Variants in KIF2C observed in about 807,000 individuals in gnomAD.
The protein encoded by KIF2C is kinesin family member 2C.
A neutral mutation model predicts 97.4 loss-of-function variants in KIF2C; 34 were observed. The ratio of observed to expected loss-of-function variants is 0.35; its 90% CI spans 0.27 to 0.46. The LOEUF is 0.46. KIF2C is among the 20% of genes least tolerant of loss of function. The probability of loss-of-function intolerance (pLI) is 1.00; values close to 1 mark genes in which losing one functional copy is unlikely to be tolerated. For synonymous variants in KIF2C, 313 were observed against 318.2 expected, an observed-to-expected ratio of 0.98 and a Z score of 0.17; for missense variants, 750 against 907.6, an observed-to-expected ratio of 0.83 and a Z score of 2.23.
chr1:44,757,507 C>T, intron 10 of KIF2C, 49 bp from the exon 11 acceptor site: 1 of 1,221,672 alleles, frequency 8.2e-7, no homozygotes, highest in Non-Finnish European at 1.2e-6. Context: ...GGACATGTTC[C>T]AGGGAGCACA....
chr1:44,757,819 G>T (rs564070690), intron 11 of KIF2C, 89 bp from the exon 12 acceptor site: 1 of 1,382,890 alleles, frequency 7.2e-7, no homozygotes, highest in African/African-American at 1.4e-5. Context: ...TTCTGGCTTT[G>T]TTGTGGCCCA....
chr1:44,743,341 T>C (rs1484080284), intron 2 of KIF2C, among the ~76,000 whole-genome samples: 1 of 152,180 alleles, frequency 6.6e-6, no homozygotes, highest in Non-Finnish European at 1.5e-5. Context: ...TCCTCATCTA[T>C]AAAGTGAGGA....
chr1:44,762,359 A>T lies in KIF2C; in HGVS notation c.1765A>T (p.Ser589Cys). The T allele has an allele frequency of 6.2e-7, 1 of 1,613,778 alleles. No homozygotes were observed. Among genetic ancestry groups the T allele is most frequent in the Non-Finnish European group, 8.5e-7 (1 of 1,179,756 alleles). ...TTGTTTCCTCAGGGTCAAGGAGCTGAGCCCCCACAGTGGGCCCAGTGGAGA... is the reference window on the plus strand; with the variant it reads ...TTGTTTCCTCAGGGTCAAGGAGCTGTGCCCCCACAGTGGGCCCAGTGGAGA... ...LRYADRVKEL[S>C]PHSGPSGEQL... Residue 589 changes from serine (S) to cysteine (C), a missense_variant, in exon 18 of 21, where the codon AGC becomes TGC. Coordinates refer to ENST00000372224, the MANE Select transcript of KIF2C (RefSeq NM_006845.4).
Position 44,747,440 on chromosome 1 carries a change from A to T in KIF2C, c.222A>T (p.Leu74Phe), listed in dbSNP as rs1421345135. 4 of 1,610,280 alleles carry T rather than the reference A, an allele frequency of 2.5e-6. No homozygotes were observed. The highest frequency in any genetic ancestry group is 3.4e-6 in the Non-Finnish European group (4 of 1,179,120). ...INPELLQLLP[L>F]HPKDNLPLQE... ...CAGAACTCTTACAGCTTCTTCCCTT[A>T]CATCCGAAGGACAATCTGCCCTTGC... Residue 74 changes from leucine to phenylalanine, a missense_variant, in exon 3 of 21, where the codon TTA becomes TTT. Transcript: ENST00000372224.
intron 2 of KIF2C, among the ~76,000 whole-genome samples, chr1:44,741,996 C>CAAAAAAAA (rs397980058): frequency 8.9e-5 from 6 of 67,742 alleles, no homozygotes; most frequent in African/African-American, 1.3e-4. Flanking sequence ...GGACTTGTCT[C>CAAAAAAAA]AAAAAAAAAA....
At chr1:44,763,580 G>A (rs112973330) in intron 19 of KIF2C, among the ~76,000 whole-genome samples, 1 of 152,166 alleles carries the variant, frequency 6.6e-6, no homozygotes, top group South Asian at 2.1e-4. Flanking sequence ...CACAGGCCTG[G>A]ACTGCATCAT....
chr1:44,745,464 C>CTTTTTTTTTTTTTTTTTTTTTTT lies in KIF2C; in HGVS notation c.166-1916_166-1894dup, dbSNP rs869293971. The stretch of plus-strand genomic sequence containing the variant: ...TCATGGTGGCAGGGGTTGTATATGT[C>CTTTTTTTTTTTTTTTTTTTTTTT]TTTTTTTTTTTTTTTTTTTTTTTTT... On this transcript the variant is annotated intron_variant, in intron 2 of 20. Transcript: ENST00000372224. 6.3e-4 allele frequency among the ~76,000 whole-genome samples: 24 copies of CTTTTTTTTTTTTTTTTTTTTTTT among 38,354 alleles called. 8 individuals carry two copies. Among genetic ancestry groups the CTTTTTTTTTTTTTTTTTTTTTTT allele is most frequent in the African/African-American group, 1.0e-3 (9 of 8,644 alleles). 25.2% of individuals were successfully genotyped at this position (38,354 alleles called of 152,430 possible).
intron 13 of KIF2C, 51 bp from the exon 14 acceptor site, chr1:44,759,155 G>A (rs756752465): frequency 1.2e-6 from 2 of 1,609,778 alleles, no homozygotes; most frequent in South Asian, 1.1e-5. Context: ...GCAGTCGGGT[G>A]GGGTGCCGGG....
Position 44,767,517 on chromosome 1 carries a change from C to G in KIF2C, c.*338C>G, listed in dbSNP as rs555385628. 972 of 258,714 alleles carry G rather than the reference C, an allele frequency of 3.8e-3. 13 individuals carry two copies. The highest frequency in any genetic ancestry group is 2.9e-3 in the Non-Finnish European group (382 of 130,554). 16.0% of individuals were successfully genotyped at this position (258,714 alleles called of 1,614,324 possible). A position where few individuals can be genotyped will look rare whatever the true frequency, so the allele number is the denominator to read the frequency against. ...GGACTGGCTGCTAATGGAGAGCTCC[C>G]TGGGGTTGTCCTGGCTCTGGGGAGA... On this transcript the variant is annotated 3_prime_UTR_variant, in exon 21 of 21. Transcript: ENST00000372224.
At chr1:44,753,468 T>C (rs1319914077) in intron 6 of KIF2C, among the ~76,000 whole-genome samples, 1 of 152,232 alleles carries the variant, frequency 6.6e-6, no homozygotes, top group African/African-American at 2.4e-5. Context: ...CCAAGATGCA[T>C]AGGAAGAGCT....
chr1:44,753,278 G>C (rs752492078), intron 6 of KIF2C, 24 bp downstream of exon 6: 1 of 1,598,624 alleles, frequency 6.3e-7, no homozygotes, highest in Non-Finnish European at 8.6e-7. Flanking sequence ...GCTGTCTGCT[G>C]TTCTGCTTCT....
intron 10 of KIF2C, among the ~76,000 whole-genome samples, chr1:44,756,621 C>T (rs981689930): frequency 9.0e-5 from 13 of 144,780 alleles, no homozygotes; most frequent in African/African-American, 3.3e-4. Flanking sequence ...GGCACAATCT[C>T]GGCTCACTGC....
chr1:44,751,942 C>G (rs1253119083), intron 5 of KIF2C, among the ~76,000 whole-genome samples: 1 of 149,916 alleles, frequency 6.7e-6, no homozygotes, highest in African/African-American at 2.5e-5. Context: ...TTGGCTCAGC[C>G]TCCCGAGTAG....
chr1:44,760,042 A>G lies in KIF2C; in HGVS notation c.1368-238A>G. Among the ~76,000 whole-genome samples the G allele has an allele frequency of 6.6e-6, 1 of 152,188 alleles. No individual in the cohort carries two copies. The highest frequency in any genetic ancestry group is 1.5e-5 in the Non-Finnish European group (1 of 68,028). ...CTTCCCCGTGTCCTTCTAGGGCTCC[A>G]GGTCTGACAAAGGCCCTAGTCCAGA... On this transcript the variant is annotated intron_variant, in intron 14 of 20. Transcript: ENST00000372224. This position sits in a 1 kb window ranked among gnomAD's most constrained non-coding sequence, Gnocchi z 4.2.
Position 44,767,047 on chromosome 1 carries a change from G to C in KIF2C, c.2096-50G>C, listed in dbSNP as rs200068594. 223 of 1,607,330 alleles carry C rather than the reference G, an allele frequency of 1.4e-4. No individual in the cohort carries two copies. The African/African-American group carries it at 2.7e-3, about 19-fold the overall frequency. ...GCAGCTCTGCCCTGAGTGAATGGGG[G>C]CTCCTCAGACTCTCACTAACCCCAT... On this transcript the variant is annotated intron_variant, in intron 20 of 20. Transcript: ENST00000372224.
At position 44,760,775 on chromosome 1, in the gene KIF2C, G is replaced by A. The variant is rs1650100458; in HGVS notation, c.1683+73G>A. The A allele has an allele frequency of 3.9e-6, 5 of 1,268,192 alleles. No homozygotes were observed. Among genetic ancestry groups the A allele is most frequent in the Non-Finnish European group, 5.7e-6 (5 of 879,194 alleles). 78.6% of individuals were successfully genotyped at this position (1,268,192 alleles called of 1,614,324 possible). On this transcript the variant is annotated intron_variant, in intron 16 of 20. Coordinates refer to ENST00000372224, the MANE Select transcript of KIF2C (RefSeq NM_006845.4). The surrounding 1 kb of genome is among the most constrained non-coding windows in gnomAD (Gnocchi z 4.2). ...GCTTTCCACAGAGACACTTAGTCCT[G>A]TCCCTGGGCTGGAAGCTCAGCACTG...
At chr1:44,746,213 C>T (rs1649189245) in intron 2 of KIF2C, among the ~76,000 whole-genome samples, 1 of 152,192 alleles carries the variant, frequency 6.6e-6, no homozygotes, top group South Asian at 2.1e-4. Context: ...AAGCCCTCAC[C>T]CTAGAGTACA....
chr1:44,757,708 AG>A lies in KIF2C; in HGVS notation c.1068+65del, dbSNP rs1173677182. On this transcript the variant is annotated intron_variant, in intron 11 of 20. Coordinates refer to ENST00000372224, the MANE Select transcript of KIF2C (RefSeq NM_006845.4). ...CTTGTGCACCCCTGGCTCCCTATAAAGGGAGACAATGAGTTTGTTGAGAAAG... is the reference window on the plus strand; with the variant it reads ...CTTGTGCACCCCTGGCTCCCTATAAAGGAGACAATGAGTTTGTTGAGAAAG... The A allele has an allele frequency of 5.5e-6, 7 of 1,270,826 alleles. No homozygotes were observed. The Admixed American group carries it at 1.2e-4, about 22-fold the overall frequency. 78.7% of individuals were successfully genotyped at this position (1,270,826 alleles called of 1,614,324 possible). A position where few individuals can be genotyped will look rare whatever the true frequency, so the allele number is the denominator to read the frequency against.
In KIF2C at chr1:44,750,566, T is replaced by C; in HGVS notation, c.439+2T>C. 1 of 1,540,726 alleles carries C rather than the reference T, an allele frequency of 6.5e-7. No individual in the cohort carries two copies. Among genetic ancestry groups the C allele is most frequent in the Admixed American group, 1.9e-5 (1 of 52,244 alleles). ...CCCGCAAGCAGTTTTCAGTTCCTCG[T>C]GAGTAACGAATGTGCCCCCAACCAC... is the stretch of plus-strand genomic sequence containing the variant. On this transcript the variant is annotated splice_donor_variant, in intron 5 of 20. Transcript: ENST00000372224. LOFTEE classifies it high-confidence loss of function.
Sources: gnomAD v4.1 joint callset for allele counts (sites outside exome capture counted in the v4.1 genomes callset) on GRCh38, gnomAD v4.1.1 for gene constraint, Gnocchi (gnomAD v3.1) non-coding constraint, MANE v1.5 for transcripts, NCBI Gene and HGNC (gene_info 2026-07-23, HGNC 2026-07-21) for gene names.